The following WWOX variants were observed in gnomAD, a reference collection of about 807,000 sequenced individuals.
WWOX encodes the protein WW domain-containing oxidoreductase.
A neutral mutation model predicts 46.2 loss-of-function variants in WWOX; 69 were observed. The ratio of observed to expected loss-of-function variants is 1.49; its 90% CI spans 1.23 to 1.82. WWOX has a LOEUF of 1.82. WWOX is among the 40% of genes most tolerant of loss of function. WWOX has a pLI of 0.00. For synonymous variants in WWOX, 359 were observed against 202.6 expected (o/e 1.77, Z -6.56); for missense variants, 919 against 542.6 (o/e 1.69, Z -6.89).
At chr16:78,767,086 C>T (rs1470745899) in intron 8 of WWOX, among the ~76,000 whole-genome samples, 1 of 128,160 alleles carries the variant, frequency 7.8e-6, no homozygotes, top group African/African-American at 2.8e-5. Context: ...CCCTCCTTCT[C>T]TCTCTCCTTT....
At chr16:78,319,142 G>A (rs566895101) in intron 5 of WWOX, among the ~76,000 whole-genome samples, 1 of 152,136 alleles carries the variant, frequency 6.6e-6, no homozygotes, top group African/African-American at 2.4e-5. Flanking sequence ...GAAGGACACC[G>A]CCACACATTG....
chr16:78,192,915 C>T (rs763047118), intron 5 of WWOX, among the ~76,000 whole-genome samples: 33 of 152,142 alleles, frequency 2.2e-4, no homozygotes, highest in East Asian at 3.9e-4. Context: ...CACCTTTTGC[C>T]GCAGTAACAA....
intron 5 of WWOX, among the ~76,000 whole-genome samples, chr16:78,272,517 G>A (rs1197747842): frequency 6.6e-6 from 1 of 152,142 alleles, no homozygotes. Flanking sequence ...CAGATTCAAG[G>A]GGAGCAGACA....
intron 4 of WWOX, among the ~76,000 whole-genome samples, chr16:78,125,205 G>A (rs138997972): frequency 1.3e-5 from 2 of 152,028 alleles, no homozygotes; most frequent in Admixed American, 6.6e-5. Context: ...TCTCAGCACC[G>A]TGCTTACAGC....
chr16:78,736,554 C>G (rs62036145), intron 8 of WWOX, among the ~76,000 whole-genome samples: 22,814 of 151,024 alleles, frequency 0.15, 2,092 homozygotes, highest in African/African-American at 0.25. Context: ...CAATGTTTTC[C>G]TTTTCTTCTC....
chr16:78,639,918 C>G (rs1031350677), intron 8 of WWOX, among the ~76,000 whole-genome samples: 3 of 152,070 alleles, frequency 2.0e-5, no homozygotes, highest in African/African-American at 4.8e-5. Context: ...GAGTGGTGAT[C>G]TAATGTCAAC....
At chr16:78,805,272 A>G (rs983254869) in intron 8 of WWOX, among the ~76,000 whole-genome samples, 4 of 152,154 alleles carry the variant, frequency 2.6e-5, no homozygotes, top group Non-Finnish European at 4.4e-5. Context: ...TATTTTTTAG[A>G]GACGGAGTCT....
At chr16:78,319,609 G>C (rs2080424125) in intron 5 of WWOX, among the ~76,000 whole-genome samples, 1 of 152,114 alleles carries the variant, frequency 6.6e-6, no homozygotes, top group South Asian at 2.1e-4. Flanking sequence ...AGCTATAAAA[G>C]AATAAATGTG....
At chr16:79,042,495 C>G (rs573328183) in intron 8 of WWOX, among the ~76,000 whole-genome samples, 3 of 152,096 alleles carry the variant, frequency 2.0e-5, no homozygotes, top group Admixed American at 2.0e-4. Flanking sequence ...TGATCCTATT[C>G]GCATGATAAA....
intron 4 of WWOX, among the ~76,000 whole-genome samples, chr16:78,137,875 A>G (rs1212710895): frequency 1.4e-5 from 2 of 143,258 alleles, no homozygotes; most frequent in African/African-American, 2.6e-5. Flanking sequence ...TGATATATGA[A>G]AGCAGGTCTT....
At chr16:78,455,799 A>AG (rs57271008) in intron 8 of WWOX, among the ~76,000 whole-genome samples, 35,287 of 151,556 alleles carry the variant, frequency 0.23, 7,920 homozygotes, top group African/African-American at 0.59. Context: ...GGTTAAAAAA[A>AG]AAAAAAAGGC....
chr16:78,584,525 G>T (rs557545516), intron 8 of WWOX, among the ~76,000 whole-genome samples: 1 of 152,170 alleles, frequency 6.6e-6, no homozygotes, highest in Non-Finnish European at 1.5e-5. Flanking sequence ...GGCATATAAC[G>T]GGAGCCCATT....
intron 8 of WWOX, among the ~76,000 whole-genome samples, chr16:79,009,830 A>G (rs1862842): frequency 0.1 from 15,542 of 152,124 alleles, 1,153 homozygotes; most frequent in East Asian, 0.31. Flanking sequence ...ACAAGACTGT[A>G]CCTATCATGG....
At chr16:78,464,443 A>G (rs2084025588) in intron 8 of WWOX, among the ~76,000 whole-genome samples, 1 of 152,202 alleles carries the variant, frequency 6.6e-6, no homozygotes, top group Non-Finnish European at 1.5e-5. Context: ...AGTAGTCCAC[A>G]GAAAGCACCT....
At chr16:78,910,040 A>C (rs532343438) in intron 8 of WWOX, among the ~76,000 whole-genome samples, 1 of 152,322 alleles carries the variant, frequency 6.6e-6, no homozygotes, top group South Asian at 2.1e-4. Context: ...GTAATTGCCC[A>C]TGCAACCCAG....
intron 8 of WWOX, among the ~76,000 whole-genome samples, chr16:78,490,990 G>A (rs1161300586): frequency 6.6e-6 from 1 of 152,130 alleles, no homozygotes; most frequent in African/African-American, 2.4e-5. Flanking sequence ...CCGAGTGACC[G>A]CTCCAGCCTT....
At chr16:78,853,661 C>T (rs971902343) in intron 8 of WWOX, among the ~76,000 whole-genome samples, 4 of 151,956 alleles carry the variant, frequency 2.6e-5, no homozygotes, top group Admixed American at 2.0e-4. Context: ...AGAAGAGGGG[C>T]GGATAAATAC....
intron 8 of WWOX, among the ~76,000 whole-genome samples, chr16:78,975,590 T>C (rs1164075281): frequency 6.6e-6 from 1 of 152,030 alleles, no homozygotes; most frequent in Non-Finnish European, 1.5e-5. Context: ...ATACACATGG[T>C]ATATGCCTCG....
intron 5 of WWOX, among the ~76,000 whole-genome samples, chr16:78,203,640 T>A (rs2036303001): frequency 6.6e-6 from 1 of 152,180 alleles, no homozygotes; most frequent in Admixed American, 6.5e-5. Context: ...TTAACATTCT[T>A]GCGACCACAG....
Sources: gnomAD v4.1 joint callset for allele counts (sites outside exome capture counted in the v4.1 genomes callset) on GRCh38, gnomAD v4.1.1 for gene constraint, MANE v1.5 for transcripts, NCBI Gene and HGNC (gene_info 2026-07-23, HGNC 2026-07-21) for gene names.